The following MAP3K7CL variants were observed in gnomAD, a reference collection of about 807,000 sequenced individuals.
MAP3K7CL encodes the protein MAP3K7 C-terminal-like protein.
In MAP3K7CL, 16 loss-of-function variants were observed where a neutral mutation model predicts 18.6. That is an observed-to-expected ratio of 0.86 (90% CI 0.58 to 1.31). The LOEUF (loss-of-function observed/expected upper bound fraction) is 1.31, where lower values mean the gene tolerates loss of function less well. Ranked by LOEUF, MAP3K7CL falls within the 50% of genes most tolerant of loss-of-function variation. MAP3K7CL has a pLI of 0.00. For missense variants in MAP3K7CL, 163 were observed against 174.4 expected (o/e 0.93, Z 0.37); for synonymous variants, 65 against 66.8 (o/e 0.97, Z 0.13).
chr21:29,106,364 G>A (rs911123376), intron 4 of MAP3K7CL, among the ~76,000 whole-genome samples: 1 of 152,112 alleles, frequency 6.6e-6, no homozygotes, highest in Admixed American at 6.6e-5. Context: ...TGTATTTTTA[G>A]TAGAGACAGA....
intron 4 of MAP3K7CL, among the ~76,000 whole-genome samples, chr21:29,172,687 G>A (rs1387245766): frequency 3.3e-5 from 5 of 152,084 alleles, no homozygotes; most frequent in Admixed American, 2.0e-4. Flanking sequence ...GCAGACATAC[G>A]TAGAAGTAGT....
At chr21:29,139,558 A>G (rs1463157380) in intron 2 of MAP3K7CL, among the ~76,000 whole-genome samples, 1 of 152,068 alleles carries the variant, frequency 6.6e-6, no homozygotes, top group Non-Finnish European at 1.5e-5. Context: ...CTAAGCTATA[A>G]ATGAATATTG....
chr21:29,148,760 C>A (rs140845020), intron 2 of MAP3K7CL, among the ~76,000 whole-genome samples: 116 of 152,316 alleles, frequency 7.6e-4, no homozygotes, highest in Middle Eastern at 3.4e-3. Context: ...CAGCTTGTGG[C>A]ACTTGGAGTC....
upstream of MAP3K7CL, among the ~76,000 whole-genome samples, chr21:29,082,032 A>T (rs2085844374): frequency 6.6e-6 from 1 of 152,222 alleles, no homozygotes; most frequent in South Asian, 2.1e-4. Flanking sequence ...TTAAATGGTT[A>T]TTTCAAAATG....
At chr21:29,079,552 C>T (rs1356938440) in intron 1 of MAP3K7CL, among the ~76,000 whole-genome samples, 1 of 152,192 alleles carries the variant, frequency 6.6e-6, no homozygotes, top group Non-Finnish European at 1.5e-5. Flanking sequence ...ATTGCTTTGC[C>T]ACAAAAAGCC....
intron 4 of MAP3K7CL, chr21:29,109,860 C>G: frequency 1.1e-6 from 1 of 882,822 alleles, no homozygotes; most frequent in African/African-American, 1.8e-5. Flanking sequence ...ATTTCTGGGT[C>G]AAAGGGTATG....
At chr21:29,090,606 C>A (rs1010486966) in intron 1 of MAP3K7CL, among the ~76,000 whole-genome samples, 1 of 152,154 alleles carries the variant, frequency 6.6e-6, no homozygotes, top group Non-Finnish European at 1.5e-5. Context: ...GTCTTGATCT[C>A]CTGACCTCGT....
chr21:29,105,258 T>G (rs373916734), intron 4 of MAP3K7CL, among the ~76,000 whole-genome samples: 2 of 152,318 alleles, frequency 1.3e-5, no homozygotes, highest in South Asian at 2.1e-4. Context: ...CTCTGATCTT[T>G]CTCAGTCCTC....
chr21:29,089,954 G>A (rs1027340100), intron 1 of MAP3K7CL, among the ~76,000 whole-genome samples: 6 of 151,854 alleles, frequency 4.0e-5, no homozygotes, highest in Non-Finnish European at 8.8e-5. Context: ...AGGAAGGAGG[G>A]AGAGAAGGCA....
At chr21:29,121,982 C>T (rs967113695) in intron 4 of MAP3K7CL, 2 of 152,036 alleles carry the variant, frequency 1.3e-5, no homozygotes, top group Non-Finnish European at 2.9e-5. Context: ...TGCAAGTACT[C>T]AGTCATCAGC....
chr21:29,140,040 C>G (rs866693101), intron 2 of MAP3K7CL, among the ~76,000 whole-genome samples: 14 of 151,656 alleles, frequency 9.2e-5, no homozygotes, highest in African/African-American at 3.2e-4. Flanking sequence ...TGAACTCTCT[C>G]GAATCACCTT....
chr21:29,087,351 C>G (rs1425008870), intron 1 of MAP3K7CL, among the ~76,000 whole-genome samples: 1 of 152,162 alleles, frequency 6.6e-6, no homozygotes, highest in African/African-American at 2.4e-5. Flanking sequence ...TAAAAACTCT[C>G]TATCTCTGCC....
rs374375003 is a variant in MAP3K7CL at position 29,174,858 on chromosome 21, G to T, written c.395G>T (p.Arg132Leu). 2.5e-6 allele frequency: 4 copies of T among 1,614,074 alleles called. No individual in the cohort carries two copies. The highest frequency in any genetic ancestry group is 2.2e-5 in the East Asian group (1 of 44,858). The change falls in exon 5 of 5, where the codon CGA (arginine) becomes CTA (leucine). Residue 132 changes from arginine (R) to leucine (L), a missense_variant. Coordinates refer to ENST00000399928, the MANE Select transcript of MAP3K7CL (RefSeq NM_001286620.2). Reference protein sequence around the residue: ...SQCVEQLEKLRIQYQKRQGSS With the variant: ...SQCVEQLEKLLIQYQKRQGSS ...TGTGTGGAACAACTGGAGAAACTTC[G>T]AATACAGTATCAGAAGAGGCAGGGC...
intron 2 of MAP3K7CL, among the ~76,000 whole-genome samples, chr21:29,138,921 C>T (rs1358738142): frequency 6.6e-6 from 1 of 152,144 alleles, no homozygotes; most frequent in Non-Finnish European, 1.5e-5. Flanking sequence ...GCCATGATTA[C>T]ACCACTGCAC....
intron 4 of MAP3K7CL, among the ~76,000 whole-genome samples, chr21:29,094,823 G>A (rs144765687): frequency 0.011 from 1,626 of 152,192 alleles, 28 homozygotes; most frequent in African/African-American, 0.038. Flanking sequence ...TTGAGAGGCC[G>A]AGGCAGGAGC....
upstream of MAP3K7CL, among the ~76,000 whole-genome samples, chr21:29,126,722 A>G (rs2086687977): frequency 6.6e-6 from 1 of 152,082 alleles, no homozygotes; most frequent in African/African-American, 2.4e-5. Flanking sequence ...GCCTCCCAAA[A>G]TGCTGGAATT....
chr21:29,147,076 T>C (rs2087143471), intron 2 of MAP3K7CL, among the ~76,000 whole-genome samples: 1 of 152,172 alleles, frequency 6.6e-6, no homozygotes, highest in Admixed American at 6.5e-5. Context: ...TATGAAAACA[T>C]AAAAACTGTT....
intron 4 of MAP3K7CL, among the ~76,000 whole-genome samples, chr21:29,168,638 A>G (rs983319771): frequency 6.6e-6 from 1 of 152,230 alleles, no homozygotes; most frequent in Admixed American, 6.5e-5. Context: ...TTTCATTCCC[A>G]AGTATTTCTA....
At chr21:29,135,050 C>CAAAAAAAAA (rs147529791) in intron 2 of MAP3K7CL, among the ~76,000 whole-genome samples, 1 of 118,270 alleles carries the variant, frequency 8.5e-6, no homozygotes, top group African/African-American at 3.0e-5. Flanking sequence ...GACTCCATCT[C>CAAAAAAAAA]AAAAAAAAAA....
Sources: allele counts gnomAD v4.1 joint callset (sites outside exome capture counted in the v4.1 genomes callset), GRCh38; gene constraint gnomAD v4.1.1; transcripts MANE v1.5; gene names NCBI Gene and HGNC (gene_info 2026-07-23, HGNC 2026-07-21).